Variants in LUZP2 observed in about 807,000 individuals in gnomAD.
LUZP2 encodes leucine zipper protein 2.
Under a neutral mutation model 51.6 loss-of-function variants are expected in LUZP2, and 52 were observed. The observed-to-expected ratio is 1.01, with a 90% confidence interval of 0.81 to 1.27. The LOEUF (loss-of-function observed/expected upper bound fraction) is 1.27, where lower values mean the gene tolerates loss of function less well. Ranked by LOEUF, LUZP2 falls within the 50% of genes most tolerant of loss-of-function variation. The pLI is 0.00. For missense variants in LUZP2, 436 were observed against 395.4 expected, an observed-to-expected ratio of 1.10 and a Z score of -0.87; for synonymous variants, 154 against 137.3, an observed-to-expected ratio of 1.12 and a Z score of -0.85.
intron 5 of LUZP2, among the ~76,000 whole-genome samples, chr11:24,889,216 A>G (rs1852770078): frequency 6.6e-6 from 1 of 152,180 alleles, no homozygotes; most frequent in African/African-American, 2.4e-5. Context: ...TCTTAACCGT[A>G]AGAAAGTGAC....
At chr11:24,590,479 T>C (rs2133840780) in intron 1 of LUZP2, among the ~76,000 whole-genome samples, 1 of 152,286 alleles carries the variant, frequency 6.6e-6, no homozygotes, top group South Asian at 2.1e-4. Context: ...AGAAATGGGA[T>C]TGCTCATTTT....
intron 7 of LUZP2, among the ~76,000 whole-genome samples, chr11:24,941,986 G>A (rs1009704940): frequency 7.2e-5 from 11 of 151,822 alleles, no homozygotes; most frequent in African/African-American, 1.7e-4. Flanking sequence ...AGAACATCAC[G>A]AAATAAAAAC....
At chr11:25,041,628 A>T (rs1406638937) in intron 9 of LUZP2, among the ~76,000 whole-genome samples, 1 of 152,150 alleles carries the variant, frequency 6.6e-6, no homozygotes, top group African/African-American at 2.4e-5. Flanking sequence ...TATATATGTA[A>T]TATGTATTAT....
chr11:24,498,586 T>C (rs1052654864), intron 1 of LUZP2, among the ~76,000 whole-genome samples: 2 of 152,238 alleles, frequency 1.3e-5, no homozygotes, highest in African/African-American at 4.8e-5. Context: ...TAAGGTTTGC[T>C]TGTCACTTCA....
chr11:24,933,113 T>G (rs1249453657), intron 7 of LUZP2, among the ~76,000 whole-genome samples: 1 of 152,198 alleles, frequency 6.6e-6, no homozygotes, highest in East Asian at 1.9e-4. Context: ...GGATGTGTGT[T>G]CAGGGGTGCA....
At chr11:24,883,689 G>T (rs924133508) in intron 5 of LUZP2, among the ~76,000 whole-genome samples, 2 of 151,972 alleles carry the variant, frequency 1.3e-5, no homozygotes, top group African/African-American at 4.8e-5. Flanking sequence ...ATGTCCTTCA[G>T]TCATTAGGTA....
rs901785574 is a variant in LUZP2 at position 24,892,284 on chromosome 11, G to A, written c.397-13707G>A. ...TGAACTGGACCATCTGCTATAGGAA[G>A]GAGCACCTGAAGACTTGTTGGCTGA... On this transcript the variant is annotated intron_variant, in intron 5 of 11. Transcript: ENST00000336930. The A allele has an allele frequency of 8.1e-6, 8 of 985,418 alleles. No individual in the cohort carries two copies. The South Asian group carries it at 3.8e-4, about 46-fold the overall frequency. 61.0% of individuals were successfully genotyped at this position (985,418 alleles called of 1,614,324 possible).
chr11:24,576,271 G>C (rs990970309), intron 1 of LUZP2, among the ~76,000 whole-genome samples: 4 of 151,934 alleles, frequency 2.6e-5, no homozygotes, highest in Admixed American at 2.0e-4. Flanking sequence ...AAATTAGCCA[G>C]GCATGATGGC....
chr11:25,055,118 C>G (rs570537002), intron 10 of LUZP2, among the ~76,000 whole-genome samples: 2 of 143,398 alleles, frequency 1.4e-5, no homozygotes, highest in Non-Finnish European at 3.2e-5. Context: ...TCAAGCGATT[C>G]TCCTGCCTCA....
intron 7 of LUZP2, among the ~76,000 whole-genome samples, chr11:24,967,786 A>G (rs1174098847): frequency 6.6e-6 from 1 of 152,010 alleles, no homozygotes; most frequent in Non-Finnish European, 1.5e-5. Flanking sequence ...TAAGTTCCTA[A>G]TCCTATTTTT....
intron 1 of LUZP2, among the ~76,000 whole-genome samples, chr11:24,535,217 A>T (rs1851140310): frequency 6.6e-6 from 1 of 151,470 alleles, no homozygotes; most frequent in African/African-American, 2.4e-5. Context: ...GTTTTACCTC[A>T]ATGTTGATGG....
At chr11:24,883,489 G>A (rs552821436) in intron 5 of LUZP2, among the ~76,000 whole-genome samples, 1 of 152,042 alleles carries the variant, frequency 6.6e-6, no homozygotes, top group African/African-American at 2.4e-5. Flanking sequence ...TAACCCCCAA[G>A]TATTAAATAA....
intron 5 of LUZP2, among the ~76,000 whole-genome samples, chr11:24,898,107 C>G (rs1291505277): frequency 6.6e-6 from 1 of 152,046 alleles, no homozygotes; most frequent in Non-Finnish European, 1.5e-5. Context: ...AATGTATTTT[C>G]AAAATTGTAC....
At chr11:24,920,894 A>G (rs961241317) in intron 7 of LUZP2, among the ~76,000 whole-genome samples, 3 of 152,160 alleles carry the variant, frequency 2.0e-5, no homozygotes, top group Non-Finnish European at 2.9e-5. Context: ...CATCACCACA[A>G]TGCAATATAT....
At chr11:24,629,761 C>A (rs185132967) in intron 1 of LUZP2, among the ~76,000 whole-genome samples, 2 of 151,700 alleles carry the variant, frequency 1.3e-5, no homozygotes, top group Non-Finnish European at 3.0e-5. Context: ...GTTCCTTGAG[C>A]AATCTTCATA....
chr11:24,657,642 T>C, intron 1 of LUZP2, among the ~76,000 whole-genome samples: 1 of 152,178 alleles, frequency 6.6e-6, no homozygotes, highest in Non-Finnish European at 1.5e-5. Flanking sequence ...AAATTGTCCC[T>C]GTTTGGAGAT....
chr11:24,932,733 T>C (rs1854491698), intron 7 of LUZP2, among the ~76,000 whole-genome samples: 2 of 152,252 alleles, frequency 1.3e-5, no homozygotes, highest in South Asian at 4.1e-4. Context: ...GCCTCCCCAC[T>C]GAAAAGGCAA....
chr11:24,614,485 G>C (rs1854225409), intron 1 of LUZP2, among the ~76,000 whole-genome samples: 1 of 151,900 alleles, frequency 6.6e-6, no homozygotes, highest in Non-Finnish European at 1.5e-5. Flanking sequence ...ATTATCACTA[G>C]TAGTAAAATG....
intron 1 of LUZP2, among the ~76,000 whole-genome samples, chr11:24,644,844 G>C (rs1397633882): frequency 6.6e-6 from 1 of 152,132 alleles, no homozygotes; most frequent in East Asian, 1.9e-4. Flanking sequence ...AATTTTGCTA[G>C]AACTAAGTAC....
Sources: allele counts gnomAD v4.1 joint callset (sites outside exome capture counted in the v4.1 genomes callset), GRCh38; gene constraint gnomAD v4.1.1; transcripts MANE v1.5; gene names NCBI Gene and HGNC (gene_info 2026-07-23, HGNC 2026-07-21).